ZDHHC14: variants seen among roughly 807,000 people sequenced by gnomAD.
ZDHHC14 encodes the protein palmitoyltransferase ZDHHC14.
A neutral mutation model predicts 47.7 loss-of-function variants in ZDHHC14; 16 were observed. The observed-to-expected ratio is 0.34, with a 90% CI of 0.23 to 0.51. ZDHHC14 has a LOEUF of 0.51. Ranked by LOEUF, ZDHHC14 falls within the 20% of genes least tolerant of loss-of-function variation. The pLI, the probability that ZDHHC14 is intolerant of heterozygous loss-of-function variation, is 0.97. For synonymous variants in ZDHHC14, 293 were observed against 278.9 expected, an observed-to-expected ratio of 1.05 and a Z score of -0.50; for missense variants, 515 against 662.5, an observed-to-expected ratio of 0.78 and a Z score of 2.44.
intron 8 of ZDHHC14, among the ~76,000 whole-genome samples, chr6:157,655,660 G>C (rs773906228): frequency 6.6e-6 from 1 of 152,214 alleles, no homozygotes; most frequent in African/African-American, 2.4e-5. Flanking sequence ...GACTAGACTA[G>C]GAGATAGAGA....
At chr6:157,396,777 A>C (rs1342124133) in intron 1 of ZDHHC14, among the ~76,000 whole-genome samples, 2 of 152,040 alleles carry the variant, frequency 1.3e-5, no homozygotes, top group East Asian at 3.9e-4. Context: ...GGAGAAGCCT[A>C]CTCTTCCCAT....
At position 157,674,739 on chromosome 6, in the gene ZDHHC14, A is replaced by G. The variant is rs1024352128; in HGVS notation, c.*1617A>G. On this transcript the variant is annotated 3_prime_UTR_variant, in exon 9 of 9. Transcript: ENST00000359775. ...AAGAAGATAGGAAAAAGAAAAGCAC[A>G]CAAGTTTTATTTGGAATGAAGGCAA... 6.6e-6 allele frequency: 1 copy of G among 152,250 alleles called. No individual in the cohort carries two copies. Among genetic ancestry groups the G allele is most frequent in the African/African-American group, 2.4e-5 (1 of 41,472 alleles). The allele number at this position is 152,250 out of a possible 1,614,324, so 9.4% of individuals were successfully genotyped here.
intron 2 of ZDHHC14, among the ~76,000 whole-genome samples, chr6:157,587,727 G>T (rs1783749569): frequency 6.6e-6 from 1 of 152,184 alleles, no homozygotes; most frequent in Non-Finnish European, 1.5e-5. Context: ...GCCAGTAGCA[G>T]TTCAAAGCAC....
At chr6:157,625,031 A>C (rs2114945527) in intron 3 of ZDHHC14, among the ~76,000 whole-genome samples, 1 of 152,222 alleles carries the variant, frequency 6.6e-6, no homozygotes, top group South Asian at 2.1e-4. Context: ...TTCCTTTATC[A>C]GGAGCCCGCT....
In ZDHHC14 at chr6:157,578,241, G is replaced by T. The variant is rs577854975; in HGVS notation, c.407-14747G>T. 2.6e-5 allele frequency among the ~76,000 whole-genome samples: 4 copies of T among 152,166 alleles called. No homozygotes were observed. In the East Asian group the frequency reaches 5.8e-4, roughly 22 times the overall value. On this transcript the variant is annotated intron_variant, in intron 2 of 8. Coordinates refer to ENST00000359775, the MANE Select transcript of ZDHHC14 (RefSeq NM_024630.3). ...TTCTGTTTTTGTTGCAATTGCTATTGGTGTCTTCATCATAAATCTTTGCCA... is the reference window on the plus strand; with the variant it reads ...TTCTGTTTTTGTTGCAATTGCTATTTGTGTCTTCATCATAAATCTTTGCCA...
At chr6:157,654,939 T>C (rs1199500322) in intron 8 of ZDHHC14, among the ~76,000 whole-genome samples, 1 of 152,118 alleles carries the variant, frequency 6.6e-6, no homozygotes, top group African/African-American at 2.4e-5. Flanking sequence ...TTCGCTATGT[T>C]GGCCAGGCTG....
In ZDHHC14 at chr6:157,445,725, C is replaced by T. The variant is rs146597052; in HGVS notation, c.245+63459C>T. On this transcript the variant is annotated intron_variant, in intron 1 of 8. Coordinates refer to ENST00000359775, the MANE Select transcript of ZDHHC14 (RefSeq NM_024630.3). Reference sequence around the variant, plus strand: ...GGTTTTTTAAACTACTATATTTAGACGCAGAAAAAAAATAACTGAGGCAAG... The same window carrying T: ...GGTTTTTTAAACTACTATATTTAGATGCAGAAAAAAAATAACTGAGGCAAG... 3.6e-3 allele frequency among the ~76,000 whole-genome samples: 549 copies of T among 151,548 alleles called. 2 individuals carry two copies. Among genetic ancestry groups the T allele is most frequent in the Non-Finnish European group, 5.5e-3 (376 of 67,926 alleles).
chr6:157,441,742 G>A (rs1273918294), intron 1 of ZDHHC14, among the ~76,000 whole-genome samples: 1 of 152,184 alleles, frequency 6.6e-6, no homozygotes, highest in East Asian at 1.9e-4. Flanking sequence ...GGAGGCTGAG[G>A]TGGGAGACTC....
rs1251917757 is a variant in ZDHHC14 at position 157,381,923 on chromosome 6, G to T, written c.-99G>T. The T allele has an allele frequency of 4.2e-6, 4 of 963,106 alleles. No individual in the cohort carries two copies. The African/African-American group carries it at 5.4e-5, about 13-fold the overall frequency. The allele number at this position is 963,106 out of a possible 1,614,324, so 59.7% of individuals were successfully genotyped here. On this transcript the variant is annotated 5_prime_UTR_variant, in exon 1 of 9. Transcript: ENST00000359775. ...TGTAGGGGCCGCGGCGCCGCGGCTCGGGGGGCGGCCGGGCGGCCGGCGGCG... is the reference window on the plus strand; with the variant it reads ...TGTAGGGGCCGCGGCGCCGCGGCTCTGGGGGCGGCCGGGCGGCCGGCGGCG...
rs991728800 is a variant in ZDHHC14, at chr6:157,502,062, C to A, written c.246-40523C>A. On this transcript the variant is annotated intron_variant, in intron 1 of 8. Transcript: ENST00000359775. This position sits in a 1 kb window ranked among gnomAD's most constrained non-coding sequence, Gnocchi z 4.0. ...CTTATGATGTATTCTCATAATCCAC[C>A]CAACAGTCTTGAAGTGTTCTTCTTG... 2.0e-5 allele frequency among the ~76,000 whole-genome samples: 3 copies of A among 152,116 alleles called. No homozygotes were observed. Among genetic ancestry groups the A allele is most frequent in the Admixed American group, 2.0e-4 (3 of 15,262 alleles).
chr6:157,664,803 T>C (rs1053526430), intron 8 of ZDHHC14, among the ~76,000 whole-genome samples: 14 of 152,190 alleles, frequency 9.2e-5, no homozygotes, highest in African/African-American at 3.4e-4. Context: ...TGCTATCTTA[T>C]AAGCCTTGGG....
intron 1 of ZDHHC14, among the ~76,000 whole-genome samples, chr6:157,529,454 G>A (rs1781288193): frequency 6.6e-6 from 1 of 152,128 alleles, no homozygotes; most frequent in Admixed American, 6.5e-5. Flanking sequence ...GGGCCCCTGG[G>A]AATCTGTGGT....
intron 2 of ZDHHC14, among the ~76,000 whole-genome samples, chr6:157,553,240 T>C (rs1048974586): frequency 6.6e-6 from 1 of 152,104 alleles, no homozygotes; most frequent in Non-Finnish European, 1.5e-5. Context: ...AGGAGCCCCA[T>C]TGAGTAGCAA....
At position 157,626,890 on chromosome 6, in the gene ZDHHC14, TGG is replaced by T. The variant is rs113464326; in HGVS notation, c.566-1450_566-1449del. ...TTTATTCAGGGTTTGCTTTTCCAGC[TGG>T]GGGGGGGGCGGCGGGGGCAGCAACA... On this transcript the variant is annotated intron_variant, in intron 3 of 8. Coordinates refer to ENST00000359775, the MANE Select transcript of ZDHHC14 (RefSeq NM_024630.3). 5.9e-5 allele frequency among the ~76,000 whole-genome samples: 8 copies of T among 135,354 alleles called. No homozygotes were observed. In the South Asian group the frequency reaches 1.7e-3, roughly 28 times the overall value. 88.8% of individuals were successfully genotyped at this position (135,354 alleles called of 152,430 possible).
intron 1 of ZDHHC14, among the ~76,000 whole-genome samples, chr6:157,456,093 T>C (rs961708103): frequency 1.3e-5 from 2 of 152,198 alleles, no homozygotes; most frequent in Admixed American, 6.5e-5. Flanking sequence ...CCCTCCGTTA[T>C]GAAAACACAT....
At chr6:157,482,845 TG>T (rs1316687581) in intron 1 of ZDHHC14, among the ~76,000 whole-genome samples, 1 of 151,544 alleles carries the variant, frequency 6.6e-6, no homozygotes, top group African/African-American at 2.4e-5. Context: ...CGAGTTCAAG[TG>T]ATTCTCCTGC....
chr6:157,456,906 C>T (rs574392349), intron 1 of ZDHHC14, among the ~76,000 whole-genome samples: 35 of 152,008 alleles, frequency 2.3e-4, no homozygotes, highest in Admixed American at 1.2e-3. Flanking sequence ...CCAGCCCCTT[C>T]GGAAGGCCAA....
chr6:157,393,618 A>G (rs189701946), intron 1 of ZDHHC14, among the ~76,000 whole-genome samples: 4 of 152,342 alleles, frequency 2.6e-5, no homozygotes, highest in African/African-American at 9.6e-5. Context: ...CTTCCTTGAC[A>G]TAATCTGGTA....
Position 157,673,759 on chromosome 6 carries a change from G to A in ZDHHC14, c.*637G>A, listed in dbSNP as rs1041478113. ...ACTGGGCTGAGGCGTCTGTGGAGAGGTGGCACCGGGGCTGCAGAGGGCGGC... is the reference window on the plus strand; with the variant it reads ...ACTGGGCTGAGGCGTCTGTGGAGAGATGGCACCGGGGCTGCAGAGGGCGGC... On this transcript the variant is annotated 3_prime_UTR_variant, in exon 9 of 9. Coordinates refer to ENST00000359775, the MANE Select transcript of ZDHHC14 (RefSeq NM_024630.3). The surrounding 1 kb of genome is among the most constrained non-coding windows in gnomAD (Gnocchi z 5.4). The A allele has an allele frequency of 6.5e-6, 1 of 152,694 alleles. No individual in the cohort carries two copies. The highest frequency in any genetic ancestry group is 6.5e-5 in the Admixed American group (1 of 15,286). The allele number at this position is 152,694 out of a possible 1,614,324, so 9.5% of individuals were successfully genotyped here. A position where few individuals can be genotyped will look rare whatever the true frequency, so the allele number is the denominator to read the frequency against.
Sources: gnomAD v4.1 joint callset for allele counts (sites outside exome capture counted in the v4.1 genomes callset) on GRCh38, gnomAD v4.1.1 for gene constraint, Gnocchi (gnomAD v3.1) non-coding constraint, MANE v1.5 for transcripts, NCBI Gene and HGNC (gene_info 2026-07-23, HGNC 2026-07-21) for gene names.